The following PLCH2 variants were observed in gnomAD, a reference collection of about 807,000 sequenced individuals.
The protein encoded by PLCH2 is phospholipase C eta 2.
In PLCH2, 98 loss-of-function variants were observed where a neutral mutation model predicts 134.7. That is an observed-to-expected ratio of 0.73 (90% CI 0.62 to 0.86). PLCH2 has a LOEUF of 0.86. Among genes scored for constraint, PLCH2 ranks in the 40% least tolerant of loss-of-function variants. The probability of loss-of-function intolerance (pLI) is 0.00; values close to 1 mark genes in which losing one functional copy is unlikely to be tolerated. For missense variants in PLCH2, 1,994 were observed against 1,986.6 expected, an observed-to-expected ratio of 1.00 and a Z score of -0.07; for synonymous variants, 974 against 827.5, an observed-to-expected ratio of 1.18 and a Z score of -3.04.
In PLCH2 at chr1:2,487,700, A is replaced by G. The variant is rs772052825; in HGVS notation, c.1217A>G (p.Tyr406Cys). The G allele has an allele frequency of 7.4e-6, 12 of 1,613,140 alleles. No individual in the cohort carries two copies. The highest frequency in any genetic ancestry group is 1.0e-5 in the Non-Finnish European group (12 of 1,179,652). Residue 406 changes from tyrosine to cysteine, a missense_variant, in exon 8 of 22, where the codon TAT becomes TGT. Physicochemically the swap from Tyr to Cys is radical, Grantham distance 194. Transcript: ENST00000378486. ...FKDVIETINK[Y>C]AFIKNEYPVI... ...GACGTCATTGAAACCATCAACAAATATGCCTTCATCAAGAATGAGTGAGTG... is the reference window on the plus strand; with the variant it reads ...GACGTCATTGAAACCATCAACAAATGTGCCTTCATCAAGAATGAGTGAGTG...
chr1:2,499,823 C>A, intron 20 of PLCH2, 103 bp downstream of exon 20: 2 of 908,848 alleles, frequency 2.2e-6, no homozygotes, highest in Non-Finnish European at 1.8e-6. Flanking sequence ...TGAACTCAGG[C>A]AGTGAGGCCT....
rs1642325825 is a variant in PLCH2 at position 2,487,080 on chromosome 1, GGTGTTCT to G, written c.911-81_911-75del. On this transcript the variant is annotated intron_variant, in intron 6 of 21. Transcript: ENST00000378486. Reference sequence around the variant, plus strand: ...AGGGCCCAACCTGTGGGCCGGGACAGGTGTTCTGTGTTCTGTGTGGCATGGGGGCAGG... The same window carrying G: ...AGGGCCCAACCTGTGGGCCGGGACAGGTGTTCTGTGTGGCATGGGGGCAGG... 7.9e-6 allele frequency: 12 copies of G among 1,509,900 alleles called. No individual in the cohort carries two copies. In the East Asian group the frequency reaches 2.0e-4, roughly 25 times the overall value. 93.5% of individuals were successfully genotyped at this position (1,509,900 alleles called of 1,614,324 possible).
intron 16 of PLCH2, 37 bp downstream of exon 16, chr1:2,497,646 G>C: frequency 7.5e-7 from 1 of 1,334,486 alleles, no homozygotes; most frequent in Non-Finnish European, 1.0e-6. Context: ...GGACGCTCAG[G>C]GCTCGGATGG....
chr1:2,431,338 T>TGC, intron 2 of PLCH2, among the ~76,000 whole-genome samples: 1 of 151,984 alleles, frequency 6.6e-6, no homozygotes, highest in East Asian at 1.9e-4. Flanking sequence ...TGCGTGTGTG[T>TGC]GTGTGTGTGC....
intron 2 of PLCH2, among the ~76,000 whole-genome samples, chr1:2,436,470 CCTTCCTCCCTCCTCCCCTCCTCCCT>C (rs1639402816): frequency 2.1e-5 from 1 of 48,302 alleles, no homozygotes; most frequent in East Asian, 1.2e-3. Context: ...CACCTTTCCT[CCTTCCTCCCTCCTCCCCTCCTCCCT>C]CCTCCTCCTT....
At chr1:2,434,882 G>A (rs755076016) in intron 2 of PLCH2, among the ~76,000 whole-genome samples, 9 of 152,190 alleles carry the variant, frequency 5.9e-5, no homozygotes, top group Admixed American at 2.0e-4. Context: ...GTCCTCGGGC[G>A]CCCATGCTGT....
chr1:2,471,305 C>T (rs1641314073), upstream of PLCH2, among the ~76,000 whole-genome samples: 1 of 152,198 alleles, frequency 6.6e-6, no homozygotes, highest in Non-Finnish European at 1.5e-5. Context: ...CATAGCGGGC[C>T]AGCTGGAGAG....
At chr1:2,477,651 G>A (rs1345734577) in intron 1 of PLCH2, among the ~76,000 whole-genome samples, 1 of 152,162 alleles carries the variant, frequency 6.6e-6, no homozygotes, top group African/African-American at 2.4e-5. Flanking sequence ...CCCTCTCCTG[G>A]GACAAGCTAC....
intron 13 of PLCH2, among the ~76,000 whole-genome samples, chr1:2,496,400 C>T (rs1642884971): frequency 1.3e-5 from 2 of 152,216 alleles, no homozygotes; most frequent in South Asian, 4.1e-4. Context: ...AGGGACTTTG[C>T]ACCTGCTGGT....
chr1:2,433,052 C>T (rs577234962), intron 2 of PLCH2, among the ~76,000 whole-genome samples: 1 of 152,370 alleles, frequency 6.6e-6, no homozygotes, highest in African/African-American at 2.4e-5. Context: ...CCGTGTTTCC[C>T]TCTGGGAGGA....
At chr1:2,495,664 T>C in intron 13 of PLCH2, 94 bp downstream of exon 13, 10 of 848,862 alleles carry the variant, frequency 1.2e-5, no homozygotes, top group Non-Finnish European at 1.6e-5. Context: ...GGACCATCCC[T>C]GAGCAGGGCA....
rs1639835494 is a variant in PLCH2 at position 2,444,267 on chromosome 1, C to T, written c.115+13638C>T. ...TGCGGAGGTCGCACTGGGGCTGTGA[C>T]CGTGCTGAGAATGACCCCTGCTGAG... On this transcript the variant is annotated intron_variant, in intron 2 of 3. Coordinates refer to the PLCH2 transcript ENST00000609981. The surrounding 1 kb of genome is among the most constrained non-coding windows in gnomAD (Gnocchi z 4.6). Among the ~76,000 whole-genome samples the T allele has an allele frequency of 6.6e-6, 1 of 152,224 alleles. No homozygotes were observed. Among genetic ancestry groups the T allele is most frequent in the South Asian group, 2.1e-4 (1 of 4,832 alleles).
chr1:2,483,762 TTTGGGGGGGCGCTGACCCCC>T lies in PLCH2; in HGVS notation c.646-685_646-666del, dbSNP rs1558004570. Among the ~76,000 whole-genome samples, 4 of 109,800 alleles carry T rather than the reference TTTGGGGGGGCGCTGACCCCC, an allele frequency of 3.6e-5. 1 individual carries two copies. The highest frequency in any genetic ancestry group is 1.4e-4 in the African/African-American group (4 of 29,376). 72.0% of individuals were successfully genotyped at this position (109,800 alleles called of 152,430 possible). A position where few individuals can be genotyped will look rare whatever the true frequency, so the allele number is the denominator to read the frequency against. ...GCCCAGAGTGTGTTGTTGACCCCCG[TTTGGGGGGGCGCTGACCCCC>T]GTTTGGGGGGGCGCTGACCCCCGTG... On this transcript the variant is annotated intron_variant, in intron 4 of 21. Coordinates refer to ENST00000378486, the MANE Select transcript of PLCH2 (RefSeq NM_014638.4).
chr1:2,503,958 C>A lies in PLCH2; in HGVS notation c.2996C>A (p.Pro999Gln), dbSNP rs1199502720. ...RPLSTQRPLPPLCSLETIAEE... is the reference protein window; with the variant it reads ...RPLSTQRPLPQLCSLETIAEE... ...CTCTCCACGCAGCGGCCACTCCCCC[C>A]ACTGTGCAGCCTGGAAACCATCGCT... The change falls in exon 22 of 22, where the codon CCA (proline) becomes CAA (glutamine). Residue 999 changes from proline to glutamine, a missense_variant. Physicochemically the swap from Pro to Gln is moderately conservative, Grantham distance 76. Coordinates refer to ENST00000378486, the MANE Select transcript of PLCH2 (RefSeq NM_014638.4). 2 of 1,461,000 alleles carry A rather than the reference C, an allele frequency of 1.4e-6. No homozygotes were observed. Among genetic ancestry groups the A allele is most frequent in the Admixed American group, 4.0e-5 (2 of 50,464 alleles). 90.5% of individuals were successfully genotyped at this position (1,461,000 alleles called of 1,614,324 possible).
chr1:2,446,975 G>A (rs1008243013), intron 2 of PLCH2, among the ~76,000 whole-genome samples: 1 of 152,180 alleles, frequency 6.6e-6, no homozygotes, highest in African/African-American at 2.4e-5. Context: ...CCTGGTGGAG[G>A]TGGAGGTGGC....
At chr1:2,480,129 G>A in intron 3 of PLCH2, 54 bp from the exon 4 acceptor site, 1 of 1,605,694 alleles carries the variant, frequency 6.2e-7, no homozygotes, top group Non-Finnish European at 8.5e-7. Context: ...CCAGAGGGTG[G>A]AGGTGTCAGG....
chr1:2,437,897 C>T (rs1165688768), intron 2 of PLCH2, among the ~76,000 whole-genome samples: 2 of 152,258 alleles, frequency 1.3e-5, no homozygotes, highest in East Asian at 3.8e-4. Flanking sequence ...TCTCAGTGGT[C>T]TTCCAGAACT....
chr1:2,486,463 G>A lies in PLCH2; in HGVS notation c.817-444G>A, dbSNP rs143221909. Among the ~76,000 whole-genome samples, 423 of 152,334 alleles carry A rather than the reference G, an allele frequency of 2.8e-3. 1 individual carries two copies. Among genetic ancestry groups the A allele is most frequent in the East Asian group, 0.015 (78 of 5,178 alleles). On this transcript the variant is annotated intron_variant, in intron 5 of 21. Transcript: ENST00000378486. ...TGCCTGGGGTGGCCTGGGCTGGGCC[G>A]GACTGTGGTGCTCAGATCTCTTGGG...
chr1:2,462,888 C>T (rs1235230752), upstream of PLCH2, among the ~76,000 whole-genome samples: 1 of 152,158 alleles, frequency 6.6e-6, no homozygotes, highest in Non-Finnish European at 1.5e-5. Flanking sequence ...TCTGGCCCTT[C>T]GAGGCCCCCA....
Sources: gnomAD v4.1 joint callset for allele counts (sites outside exome capture counted in the v4.1 genomes callset) on GRCh38, gnomAD v4.1.1 for gene constraint, Gnocchi (gnomAD v3.1) non-coding constraint, MANE v1.5 for transcripts, NCBI Gene and HGNC (gene_info 2026-07-23, HGNC 2026-07-21) for gene names.